The following CDH3 variants were observed in gnomAD, a reference collection of about 807,000 sequenced individuals.
The protein encoded by CDH3 is cadherin 3.
CDH3 carries 54 observed loss-of-function variants against 82.0 expected under a neutral mutation model. The observed-to-expected ratio is 0.66, with a 90% CI of 0.53 to 0.83. The LOEUF is 0.83. CDH3 is among the 40% of genes least tolerant of loss of function. The pLI is 0.00. For synonymous variants in CDH3, 446 were observed against 437.9 expected, an observed-to-expected ratio of 1.02 and a Z score of -0.23; for missense variants, 1,054 against 1,084.6, an observed-to-expected ratio of 0.97 and a Z score of 0.40.
chr16:68,699,236 C>G lies in CDH3; in HGVS notation c.*836C>G, dbSNP rs1325976178. On this transcript the variant is annotated 3_prime_UTR_variant, in exon 16 of 16. Transcript: ENST00000264012. The stretch of plus-strand genomic sequence containing the variant: ...AATGGCAGGGGATACTCAGGGTCAG[C>G]TTCCATGCCTAAGTGGGCTCAGGGA... 2.0e-5 allele frequency: 3 copies of G among 152,170 alleles called. No homozygotes were observed. The highest frequency in any genetic ancestry group is 2.4e-5 in the African/African-American group (1 of 41,436). The allele number at this position is 152,170 out of a possible 1,614,324, so 9.4% of individuals were successfully genotyped here. A position where few individuals can be genotyped will look rare whatever the true frequency, so the allele number is the denominator to read the frequency against.
Position 68,678,282 on chromosome 16 carries a change from G to T in CDH3, c.390+5G>T, listed in dbSNP as rs570628442. The T allele has an allele frequency of 6.2e-7, 1 of 1,614,104 alleles. No individual in the cohort carries two copies. Among genetic ancestry groups the T allele is most frequent in the South Asian group, 1.1e-5 (1 of 91,070 alleles). ...TTCCCCCAGAGACTGAATCAGGTAC[G>T]ACTGTGCCTTCTCCTGGGAAGCATT... is the stretch of plus-strand genomic sequence containing the variant. On this transcript the variant is annotated splice_donor_5th_base_variant and intron_variant, in intron 4 of 15. Coordinates refer to ENST00000264012, the MANE Select transcript of CDH3 (RefSeq NM_001793.6).
At chr16:68,718,883 A>T (rs1479798293) in intron 1 of CDH3, among the ~76,000 whole-genome samples, 1 of 152,186 alleles carries the variant, frequency 6.6e-6, no homozygotes, top group African/African-American at 2.4e-5. Context: ...AGTGCTCATT[A>T]ACTGGTAAAT....
intron 2 of CDH3, among the ~76,000 whole-genome samples, chr16:68,654,951 G>A (rs1264505394): frequency 6.6e-6 from 1 of 151,776 alleles, no homozygotes; most frequent in Non-Finnish European, 1.5e-5. Flanking sequence ...TAGGAGAATT[G>A]CTTGAGCCTG....
At chr16:68,729,447 TA>T (rs1962260776), downstream of CDH3, among the ~76,000 whole-genome samples, 1 of 152,208 alleles carries the variant, frequency 6.6e-6, no homozygotes, top group African/African-American at 2.4e-5. Context: ...TTCACTATCA[TA>T]GTTGTGGTTT....
At chr16:68,697,680 C>G (rs1309319415) in intron 15 of CDH3, among the ~76,000 whole-genome samples, 3 of 152,158 alleles carry the variant, frequency 2.0e-5, no homozygotes, top group Admixed American at 1.3e-4. Flanking sequence ...AACTACTGAC[C>G]TAGCATGTAG....
chr16:68,682,381 C>T lies in CDH3; in HGVS notation c.1076C>T (p.Ser359Leu). The T allele has an allele frequency of 6.2e-7, 1 of 1,614,080 alleles. No individual in the cohort carries two copies. Among genetic ancestry groups the T allele is most frequent in the Non-Finnish European group, 8.5e-7 (1 of 1,180,026 alleles). ...LTVTDLDAPN[S>L]PAWRATYLIM... ...GTCACTGATCTGGACGCCCCCAACT[C>T]ACCAGCGTGGCGTGCCACCTACCTT... is the stretch of plus-strand genomic sequence containing the variant. The change falls in exon 9 of 16, where the codon TCA becomes TTA. Residue 359 changes from serine (S) to leucine (L), a missense_variant. Transcript: ENST00000264012.
At chr16:68,671,326 A>G (rs1476539024) in intron 2 of CDH3, among the ~76,000 whole-genome samples, 1 of 151,674 alleles carries the variant, frequency 6.6e-6, no homozygotes, top group African/African-American at 2.4e-5. Flanking sequence ...TTGCCATAAC[A>G]AAGTGCCAGG....
intron 2 of CDH3, among the ~76,000 whole-genome samples, chr16:68,663,437 C>T (rs536796709): frequency 2.0e-5 from 3 of 150,566 alleles, no homozygotes; most frequent in South Asian, 2.1e-4. Context: ...TGTTTCACCA[C>T]GTTAGCCAGG....
At chr16:68,669,995 C>T (rs1960841668) in intron 2 of CDH3, among the ~76,000 whole-genome samples, 1 of 151,902 alleles carries the variant, frequency 6.6e-6, no homozygotes, top group African/African-American at 2.4e-5. Context: ...CTTTGGGAGG[C>T]CAAGGTGGGT....
chr16:68,667,093 G>A (rs1215905736), intron 2 of CDH3, among the ~76,000 whole-genome samples: 1 of 152,144 alleles, frequency 6.6e-6, no homozygotes, highest in African/African-American at 2.4e-5. Flanking sequence ...TCCCAACTGT[G>A]ACACAGCACT....
downstream of CDH3, among the ~76,000 whole-genome samples, chr16:68,704,837 T>C (rs899532354): frequency 2.0e-5 from 3 of 152,210 alleles, no homozygotes; most frequent in African/African-American, 4.8e-5. Flanking sequence ...GGAAAAATCA[T>C]TTGAGCCCAG....
rs140790125 is a variant in CDH3 at position 68,687,642 on chromosome 16, C to T, written c.1701C>T (p.Ile567=). The T allele has an allele frequency of 8.1e-6, 13 of 1,614,006 alleles. No homozygotes were observed. Among genetic ancestry groups the T allele is most frequent in the African/African-American group, 4.0e-5 (3 of 74,932 alleles). Residue 567 remains isoleucine (I), a synonymous_variant, in exon 12 of 16, where the codon ATC becomes ATT. Coordinates refer to ENST00000264012, the MANE Select transcript of CDH3 (RefSeq NM_001793.6). ...NQSPVRQVLN[I]TDKDLSPHTS... ...GCCCTGTGCGCCAGGTGCTGAACAT[C>T]ACGGACAAGGACCTGTCTCCCCACA...
intron 15 of CDH3, chr16:68,697,961 G>A (rs771085491): frequency 1.1e-5 from 7 of 620,418 alleles, no homozygotes; most frequent in Non-Finnish European, 1.7e-5. Context: ...TCTGGCCCGG[G>A]CTGTCTGATT....
downstream of CDH3, among the ~76,000 whole-genome samples, chr16:68,728,229 G>C (rs924665281): frequency 6.6e-6 from 1 of 151,956 alleles, no homozygotes; most frequent in Non-Finnish European, 1.5e-5. Flanking sequence ...GCAGTGGCAC[G>C]ATCTCGGCTC....
chr16:68,680,015 C>A, intron 7 of CDH3, 41 bp downstream of exon 7: 1 of 1,583,218 alleles, frequency 6.3e-7, no homozygotes, highest in Non-Finnish European at 8.7e-7. Context: ...CCCAGACTTG[C>A]CCAGGCTGGG....
At chr16:68,667,243 G>A (rs528916045) in intron 2 of CDH3, among the ~76,000 whole-genome samples, 5 of 152,268 alleles carry the variant, frequency 3.3e-5, no homozygotes, top group African/African-American at 1.2e-4. Flanking sequence ...CTTAACAGAA[G>A]GTAGTGATAG....
chr16:68,686,319 G>A (rs1257085816), intron 11 of CDH3: 11 of 841,670 alleles, frequency 1.3e-5, no homozygotes, highest in Admixed American at 3.9e-5. Flanking sequence ...GGGTCAGACC[G>A]CATGTCTCTC....
In CDH3 at chr16:68,645,378, C is replaced by T. The variant is rs774377438; in HGVS notation, c.-2C>T. ...AGCTGCTTCACCCCTCTCTCTGCAG[C>T]CATGGGGCTCCCTCGTGGACCTCTC... On this transcript the variant is annotated 5_prime_UTR_variant, in exon 1 of 16. Coordinates refer to ENST00000264012, the MANE Select transcript of CDH3 (RefSeq NM_001793.6). 6.2e-7 allele frequency: 1 copy of T among 1,613,298 alleles called. No individual in the cohort carries two copies. The highest frequency in any genetic ancestry group is 1.7e-5 in the Admixed American group (1 of 60,006).
At chr16:68,715,598 G>A (rs2152110595) in intron 1 of CDH3, among the ~76,000 whole-genome samples, 2 of 152,274 alleles carry the variant, frequency 1.3e-5, no homozygotes, top group South Asian at 4.1e-4. Flanking sequence ...TTGCCCAATA[G>A]CAAGGCCAAG....
Sources: gnomAD v4.1 joint callset for allele counts (sites outside exome capture counted in the v4.1 genomes callset) on GRCh38, gnomAD v4.1.1 for gene constraint, MANE v1.5 for transcripts, NCBI Gene and HGNC (gene_info 2026-07-23, HGNC 2026-07-21) for gene names.